CHSY3: variants seen among roughly 807,000 people sequenced by gnomAD.
The protein encoded by CHSY3 is chondroitin sulfate synthase 3.
In CHSY3, 35 loss-of-function variants were observed where a neutral mutation model predicts 67.2. The observed-to-expected ratio is 0.52, with a 90% CI of 0.40 to 0.69. The LOEUF (loss-of-function observed/expected upper bound fraction) is 0.69, where lower values mean the gene tolerates loss of function less well. Among genes scored for constraint, CHSY3 ranks in the 30% least tolerant of loss-of-function variants. The pLI, the probability that CHSY3 is intolerant of heterozygous loss-of-function variation, is 0.00. For missense variants in CHSY3, 1,069 were observed against 1,138.5 expected, an observed-to-expected ratio of 0.94 and a Z score of 0.88; for synonymous variants, 474 against 434.7, an observed-to-expected ratio of 1.09 and a Z score of -1.12.
chr5:130,174,928 C>T (rs566104160), intron 2 of CHSY3, among the ~76,000 whole-genome samples: 6 of 152,142 alleles, frequency 3.9e-5, no homozygotes, highest in African/African-American at 1.2e-4. Flanking sequence ...ATGCACCCCC[C>T]TGAATTACAA....
intron 2 of CHSY3, among the ~76,000 whole-genome samples, chr5:130,022,482 T>C (rs1294124491): frequency 6.6e-6 from 1 of 152,014 alleles, no homozygotes; most frequent in Non-Finnish European, 1.5e-5. Context: ...TTGCATTTGA[T>C]CTTAGCAAAG....
Position 130,178,227 on chromosome 5 carries a change from TTA to T in CHSY3, c.1087-5976_1087-5975del, listed in dbSNP as rs1554088379. Among the ~76,000 whole-genome samples, 531 of 65,744 alleles carry T rather than the reference TTA, an allele frequency of 8.1e-3. 7 individuals carry two copies. Among genetic ancestry groups the T allele is most frequent in the Middle Eastern group, 0.031 (2 of 64 alleles). 43.1% of individuals were successfully genotyped at this position (65,744 alleles called of 152,430 possible). ...TATATATATATGTATATATTTATAT[TTA>T]TATATATATATATATATATATATAT... On this transcript the variant is annotated intron_variant, in intron 2 of 2. Transcript: ENST00000305031.
At chr5:129,966,657 A>G (rs1762476609) in intron 2 of CHSY3, among the ~76,000 whole-genome samples, 1 of 151,786 alleles carries the variant, frequency 6.6e-6, no homozygotes, top group South Asian at 2.1e-4. Flanking sequence ...AGACCTCTAC[A>G]AATTTGGCAG....
intron 2 of CHSY3, among the ~76,000 whole-genome samples, chr5:130,115,126 T>C (rs118180143): frequency 6.6e-6 from 1 of 152,094 alleles, no homozygotes; most frequent in African/African-American, 2.4e-5. Context: ...TTTTCTCAAA[T>C]TTTTATAAAT....
At chr5:130,084,668 G>A (rs1407121652) in intron 2 of CHSY3, among the ~76,000 whole-genome samples, 2 of 151,736 alleles carry the variant, frequency 1.3e-5, no homozygotes, top group Non-Finnish European at 2.9e-5. Flanking sequence ...TTCCAGTTGT[G>A]CTGTTCTGAT....
In CHSY3 at chr5:130,051,203, G is replaced by A. The variant is rs371635042; in HGVS notation, c.1087-133026G>A. 8.9e-4 allele frequency among the ~76,000 whole-genome samples: 136 copies of A among 152,142 alleles called. No homozygotes were observed. In the Middle Eastern group the frequency reaches 0.017, roughly 19 times the overall value. ...TGTGGTGGAGGTGGGCGTGCATGGA[G>A]GGAAACGTCATATTATGTTGTGTGC... On this transcript the variant is annotated intron_variant, in intron 2 of 2. Coordinates refer to ENST00000305031, the MANE Select transcript of CHSY3 (RefSeq NM_175856.5).
At chr5:129,908,753 T>G (rs1760422218) in intron 2 of CHSY3, among the ~76,000 whole-genome samples, 1 of 152,162 alleles carries the variant, frequency 6.6e-6, no homozygotes, top group South Asian at 2.1e-4. Flanking sequence ...TTTATTTTAT[T>G]TTATTTTGGT....
chr5:130,087,664 C>A (rs1041965227), intron 2 of CHSY3, among the ~76,000 whole-genome samples: 3 of 151,916 alleles, frequency 2.0e-5, no homozygotes, highest in South Asian at 2.1e-4. Flanking sequence ...TTACATGGGA[C>A]GTGAAGGACC....
At chr5:130,163,372 A>G in intron 2 of CHSY3, among the ~76,000 whole-genome samples, 1 of 152,134 alleles carries the variant, frequency 6.6e-6, no homozygotes, top group East Asian at 1.9e-4. Context: ...TGTTTTGGCA[A>G]AGAAGACATT....
chr5:130,140,681 A>G, intron 2 of CHSY3: 1 of 331,806 alleles, frequency 3.0e-6, no homozygotes, highest in Non-Finnish European at 5.4e-6. Flanking sequence ...CGTTAGGTCT[A>G]CAGCCATAGC....
intron 2 of CHSY3, among the ~76,000 whole-genome samples, chr5:130,138,101 A>T (rs1232787655): frequency 6.6e-6 from 1 of 152,228 alleles, no homozygotes; most frequent in East Asian, 1.9e-4. Flanking sequence ...CAAGAAAAAT[A>T]TTTCTGTAGG....
intron 2 of CHSY3, among the ~76,000 whole-genome samples, chr5:130,103,863 A>G (rs549129866): frequency 3.3e-5 from 5 of 151,930 alleles, no homozygotes; most frequent in Non-Finnish European, 7.4e-5. Flanking sequence ...ACATGCCTTG[A>G]TACACATTTC....
chr5:130,003,015 T>G (rs1763776409), intron 2 of CHSY3, among the ~76,000 whole-genome samples: 1 of 152,194 alleles, frequency 6.6e-6, no homozygotes, highest in Non-Finnish European at 1.5e-5. Flanking sequence ...GCTTTGCACA[T>G]GAATGTTATC....
Position 130,102,488 on chromosome 5 carries a change from CA to C in CHSY3, c.1087-81729del, listed in dbSNP as rs541935333. Among the ~76,000 whole-genome samples the C allele has an allele frequency of 7.6e-3, 1,066 of 140,722 alleles. 5 individuals are homozygous for C. Among genetic ancestry groups the C allele is most frequent in the Non-Finnish European group, 0.011 (679 of 64,156 alleles). The allele number at this position is 140,722 out of a possible 152,430, so 92.3% of individuals were successfully genotyped here. A position where few individuals can be genotyped will look rare whatever the true frequency, so the allele number is the denominator to read the frequency against. ...TTGTTTTTTAACTACTCTCCTTCTA[CA>C]AAAAAAAAAAATGACTAGTGAGCAA... On this transcript the variant is annotated intron_variant, in intron 2 of 2. Coordinates refer to ENST00000305031, the MANE Select transcript of CHSY3 (RefSeq NM_175856.5).
At chr5:129,932,361 C>T (rs1021818382) in intron 2 of CHSY3, among the ~76,000 whole-genome samples, 3 of 151,682 alleles carry the variant, frequency 2.0e-5, no homozygotes, top group Non-Finnish European at 2.9e-5. Flanking sequence ...TTAAGACTTT[C>T]AATTGATTGG....
At position 130,066,926 on chromosome 5, in the gene CHSY3, G is replaced by A. The variant is rs1327829001; in HGVS notation, c.1087-117303G>A. Among the ~76,000 whole-genome samples, 6 of 152,254 alleles carry A rather than the reference G, an allele frequency of 3.9e-5. No homozygotes were observed. In the East Asian group the frequency reaches 9.7e-4, roughly 25 times the overall value. On this transcript the variant is annotated intron_variant, in intron 2 of 2. Transcript: ENST00000305031. ...CCTGGGCTACTGCCAGCAAGGCCAG[G>A]ATGCTAGATTCCTTTTCAGTGATCT... is the stretch of plus-strand genomic sequence containing the variant.
At chr5:129,986,849 C>T (rs902999356) in intron 2 of CHSY3, among the ~76,000 whole-genome samples, 2 of 151,986 alleles carry the variant, frequency 1.3e-5, no homozygotes, top group African/African-American at 2.4e-5. Context: ...TGCCATCTTT[C>T]CCAAGCTGGT....
intron 2 of CHSY3, among the ~76,000 whole-genome samples, chr5:130,175,518 T>G (rs549382356): frequency 4.6e-5 from 7 of 152,292 alleles, no homozygotes; most frequent in African/African-American, 1.7e-4. Context: ...TTAAATTTCA[T>G]ATGGAATCAA....
At chr5:130,077,585 G>A (rs1299915760) in intron 2 of CHSY3, among the ~76,000 whole-genome samples, 1 of 152,008 alleles carries the variant, frequency 6.6e-6, no homozygotes, top group Non-Finnish European at 1.5e-5. Context: ...AAGCTAACGA[G>A]GAAGAAGAGT....
Sources: allele counts gnomAD v4.1 joint callset (sites outside exome capture counted in the v4.1 genomes callset), GRCh38; gene constraint gnomAD v4.1.1; transcripts MANE v1.5; gene names NCBI Gene and HGNC (gene_info 2026-07-23, HGNC 2026-07-21).